Variants in DTNB observed in about 807,000 individuals in gnomAD.
DTNB encodes DTN-B.
In DTNB, 63 loss-of-function variants were observed where a neutral mutation model predicts 90.7. The ratio of observed to expected loss-of-function variants is 0.69; its 90% CI spans 0.57 to 0.86. The LOEUF is 0.86. Ranked by LOEUF, DTNB falls within the 40% of genes least tolerant of loss-of-function variation. The pLI, the probability that DTNB is intolerant of heterozygous loss-of-function variation, is 0.00. For missense variants in DTNB, 744 were observed against 807.1 expected (o/e 0.92, Z 0.95); for synonymous variants, 277 against 286.7 (o/e 0.97, Z 0.34).
At chr2:25,433,354 CCTTAAT>C (rs1185659342) in intron 13 of DTNB, among the ~76,000 whole-genome samples, 2 of 152,102 alleles carry the variant, frequency 1.3e-5, no homozygotes, top group Admixed American at 6.6e-5. Context: ...TGCTGACTTC[CCTTAAT>C]CCTTCCCTGC....
chr2:25,420,528 G>A lies in DTNB; in HGVS notation c.1555-993C>T, dbSNP rs112612430. Among the ~76,000 whole-genome samples the A allele has an allele frequency of 9.3e-3, 899 of 96,638 alleles. 7 individuals are homozygous for A. Among genetic ancestry groups the A allele is most frequent in the African/African-American group, 0.021 (731 of 34,230 alleles). The allele number at this position is 96,638 out of a possible 152,430, so 63.4% of individuals were successfully genotyped here. ...TATCTATCTATCTATCTATCTGTCT[G>A]TCTATCGACAGAGTTTCGCTCTTGT... On this transcript the variant is annotated intron_variant, in intron 15 of 20. Transcript: ENST00000406818.
chr2:25,636,610 A>G (rs1364272599), intron 3 of DTNB, among the ~76,000 whole-genome samples: 2 of 152,220 alleles, frequency 1.3e-5, no homozygotes, highest in African/African-American at 2.4e-5. Flanking sequence ...ACATACATAT[A>G]TCTAGATATA....
intron 16 of DTNB, chr2:25,399,543 C>G (rs572132174): frequency 3.0e-5 from 4 of 135,122 alleles, no homozygotes; most frequent in African/African-American, 1.2e-4. Context: ...GGAGTTTTGC[C>G]ATGTTGGCCA....
chr2:25,426,053 A>G (rs1401446298), intron 15 of DTNB, among the ~76,000 whole-genome samples: 1 of 152,204 alleles, frequency 6.6e-6, no homozygotes, highest in African/African-American at 2.4e-5. Flanking sequence ...CTTATTATGC[A>G]TGTATTTAGT....
intron 8 of DTNB, among the ~76,000 whole-genome samples, chr2:25,548,637 A>C (rs948059205): frequency 3.9e-5 from 6 of 152,058 alleles, no homozygotes; most frequent in Non-Finnish European, 8.8e-5. Flanking sequence ...GAGTGGAGTA[A>C]GGGGGAGTAG....
At chr2:25,440,293 G>A (rs955754056) in intron 12 of DTNB, among the ~76,000 whole-genome samples, 1 of 152,164 alleles carries the variant, frequency 6.6e-6, no homozygotes, top group African/African-American at 2.4e-5. Context: ...TGAGATACGA[G>A]GATGAAAAGA....
intron 16 of DTNB, among the ~76,000 whole-genome samples, chr2:25,398,914 TAATA>T (rs1301828245): frequency 6.6e-6 from 1 of 152,228 alleles, no homozygotes; most frequent in East Asian, 1.9e-4. Flanking sequence ...GGTAAATTCT[TAATA>T]AATACTTGTT....
chr2:25,558,956 A>T (rs953066503), intron 8 of DTNB, among the ~76,000 whole-genome samples: 2 of 152,118 alleles, frequency 1.3e-5, no homozygotes, highest in African/African-American at 4.8e-5. Flanking sequence ...GTTTCAGAGC[A>T]CTTCTCCCCA....
Position 25,455,359 on chromosome 2 carries a change from C to T in DTNB, c.1169+46G>A, listed in dbSNP as rs780384857. 7.8e-6 allele frequency: 12 copies of T among 1,529,810 alleles called. 1 individual carries two copies. The Admixed American group carries it at 2.5e-4, about 32-fold the overall frequency. 94.8% of individuals were successfully genotyped at this position (1,529,810 alleles called of 1,614,324 possible). A position where few individuals can be genotyped will look rare whatever the true frequency, so the allele number is the denominator to read the frequency against. On this transcript the variant is annotated intron_variant, in intron 11 of 20. Transcript: ENST00000406818. Reference sequence around the variant, plus strand: ...ACCCCAGGTAGCAAAGCTCTCCCTCCCTCTGATCACCCGTGGCTACCCACT... The same window carrying T: ...ACCCCAGGTAGCAAAGCTCTCCCTCTCTCTGATCACCCGTGGCTACCCACT...
intron 8 of DTNB, among the ~76,000 whole-genome samples, chr2:25,539,420 C>T (rs1252768504): frequency 6.6e-6 from 1 of 152,126 alleles, no homozygotes; most frequent in African/African-American, 2.4e-5. Flanking sequence ...TTAACATTTG[C>T]CAAGCTGGTG....
At chr2:25,655,539 C>T (rs2081903729) in intron 1 of DTNB, among the ~76,000 whole-genome samples, 1 of 152,076 alleles carries the variant, frequency 6.6e-6, no homozygotes, top group African/African-American at 2.4e-5. Flanking sequence ...GGCAAGGAAA[C>T]GTCTGTTGAT....
At chr2:25,563,327 T>C (rs961845554) in intron 8 of DTNB, among the ~76,000 whole-genome samples, 4 of 152,226 alleles carry the variant, frequency 2.6e-5, no homozygotes, top group Non-Finnish European at 5.9e-5. Flanking sequence ...TGCTGAGTTT[T>C]AAGAGTTCTT....
At position 25,432,891 on chromosome 2, in the gene DTNB, C is replaced by T. The variant is rs1390219176; in HGVS notation, c.1452G>A (p.Leu484=). 2 of 1,599,288 alleles carry T rather than the reference C, an allele frequency of 1.3e-6. No individual in the cohort carries two copies. The highest frequency in any genetic ancestry group is 1.7e-5 in the Admixed American group (1 of 58,092). ...GGTAGAGTGTCCCTACTCACCTCAG[C>T]AGCCGCAGCTCTGCCAGCAGCGTGG... The part of the protein sequence containing the change: ...QNPTLLAELR[L]LRQRKDELEQ... Residue 484 remains leucine (L), a synonymous_variant, in exon 14 of 21, where the codon CTG becomes CTA. Coordinates refer to ENST00000406818, the MANE Select transcript of DTNB (RefSeq NM_021907.5).
At chr2:25,416,796 GGAAGGAAC>G (rs759941612) in intron 16 of DTNB, among the ~76,000 whole-genome samples, 3,759 of 135,654 alleles carry the variant, frequency 0.028, 92 homozygotes, top group Admixed American at 0.056. Flanking sequence ...AAGGAAGGAA[GGAAGGAAC>G]GAAGGAAGGA....
At chr2:25,380,023 A>C (rs916509199) in intron 19 of DTNB, 3 of 152,876 alleles carry the variant, frequency 2.0e-5, no homozygotes, top group Admixed American at 2.0e-4. Flanking sequence ...GATGGAGCAG[A>C]AGCATTCCCC....
chr2:25,400,491 C>G (rs966863366), intron 16 of DTNB, among the ~76,000 whole-genome samples: 3 of 152,170 alleles, frequency 2.0e-5, no homozygotes, highest in African/African-American at 7.2e-5. Context: ...ACAGTTGGCA[C>G]CCTGAGATTA....
Position 25,531,599 on chromosome 2 carries a change from T to G in DTNB, c.877-2A>C. On this transcript the variant is annotated splice_acceptor_variant, in intron 8 of 20. Transcript: ENST00000406818. LOFTEE classifies it high-confidence loss of function. Reference sequence around the variant, plus strand: ...GCTCAGCTTCTTTGCAGGAGATTTCTGTGTCAAAGCAGAAAATAGTAAGGA... The same window carrying G: ...GCTCAGCTTCTTTGCAGGAGATTTCGGTGTCAAAGCAGAAAATAGTAAGGA... The G allele has an allele frequency of 6.2e-7, 1 of 1,613,298 alleles. No individual in the cohort carries two copies. The highest frequency in any genetic ancestry group is 8.5e-7 in the Non-Finnish European group (1 of 1,179,724).
intron 8 of DTNB, among the ~76,000 whole-genome samples, chr2:25,540,535 G>A (rs186115675): frequency 2.6e-5 from 4 of 151,980 alleles, no homozygotes; most frequent in Admixed American, 6.6e-5. Context: ...GGAGTGCAAC[G>A]CTCAATCATT....
chr2:25,456,024 C>A (rs1574692838), intron 10 of DTNB, among the ~76,000 whole-genome samples: 1 of 152,162 alleles, frequency 6.6e-6, no homozygotes, highest in South Asian at 2.1e-4. Flanking sequence ...AAAACTGGTA[C>A]CCATCCCAAA....
Sources: allele counts gnomAD v4.1 joint callset (sites outside exome capture counted in the v4.1 genomes callset), GRCh38; gene constraint gnomAD v4.1.1; transcripts MANE v1.5; gene names NCBI Gene and HGNC (gene_info 2026-07-23, HGNC 2026-07-21).